Variants in MAPK10 observed in about 807,000 individuals in gnomAD.
MAPK10 encodes mitogen-activated protein kinase 10, also known as JNK3 alpha protein kinase.
Under a neutral mutation model 59.3 loss-of-function variants are expected in MAPK10, and 25 were observed. That is an observed-to-expected ratio of 0.42 (90% confidence interval 0.31 to 0.59). MAPK10 has a LOEUF of 0.59. Among genes scored for constraint, MAPK10 ranks in the 20% least tolerant of loss-of-function variants. The pLI is 0.15. For synonymous variants in MAPK10, 190 were observed against 200.5 expected (o/e 0.95, Z 0.44); for missense variants, 351 against 568.9 (o/e 0.62, Z 3.90).
At chr4:86,386,141 TG>T (rs943213029) in intron 1 of MAPK10, among the ~76,000 whole-genome samples, 30 of 152,056 alleles carry the variant, frequency 2.0e-4, no homozygotes, top group Non-Finnish European at 4.0e-4. Context: ...CGGAGGGAAA[TG>T]GGGGGGAATC....
At chr4:86,518,736 T>C (rs1325456004) in intron 1 of MAPK10, among the ~76,000 whole-genome samples, 1 of 152,156 alleles carries the variant, frequency 6.6e-6, no homozygotes, top group Non-Finnish European at 1.5e-5. Context: ...TTAGACTTTT[T>C]AACGTAGGCA....
In MAPK10 at chr4:86,103,256, T is replaced by C. The variant is rs28529458; in HGVS notation, c.367-12A>G. 882,427 of 1,387,518 alleles carry C rather than the reference T, an allele frequency of 0.64. 286,511 individuals carry two copies. Among genetic ancestry groups the C allele is most frequent in the East Asian group, 0.74 (32,219 of 43,660 alleles). 86.0% of individuals were successfully genotyped at this position (1,387,518 alleles called of 1,614,324 possible). A position where few individuals can be genotyped will look rare whatever the true frequency, so the allele number is the denominator to read the frequency against. Reference sequence around the variant, plus strand: ...AATAAACTAATAATCTGAAAGAGAGTGGAAGGGACAGAGGAAACGAGAGAA... The same window carrying C: ...AATAAACTAATAATCTGAAAGAGAGCGGAAGGGACAGAGGAAACGAGAGAA... On this transcript the variant is annotated splice_polypyrimidine_tract_variant and intron_variant, in intron 5 of 13. Coordinates refer to ENST00000641462, the MANE Select transcript of MAPK10 (RefSeq NM_138982.4).
chr4:86,277,996 T>C (rs2094646094), intron 2 of MAPK10, among the ~76,000 whole-genome samples: 1 of 152,116 alleles, frequency 6.6e-6, no homozygotes, highest in African/African-American at 2.4e-5. Flanking sequence ...ATCATGATGT[T>C]TTTAAATATG....
At chr4:86,246,491 A>G (rs946504835) in intron 2 of MAPK10, among the ~76,000 whole-genome samples, 1 of 152,180 alleles carries the variant, frequency 6.6e-6, no homozygotes, top group Admixed American at 6.5e-5. Context: ...AACTTATATA[A>G]TGAACATTTT....
intron 2 of MAPK10, among the ~76,000 whole-genome samples, chr4:86,295,668 A>T (rs1354484292): frequency 6.6e-6 from 1 of 150,472 alleles, no homozygotes; most frequent in Non-Finnish European, 1.5e-5. Flanking sequence ...GTTCACAAAA[A>T]TATGTTATAG....
At chr4:86,472,144 G>C (rs1292032724) in intron 1 of MAPK10, among the ~76,000 whole-genome samples, 1 of 152,050 alleles carries the variant, frequency 6.6e-6, no homozygotes, top group Admixed American at 6.5e-5. Context: ...AGAGTTTTCT[G>C]TTTGAAAAAT....
At chr4:86,091,521 G>A (rs2053147606) in intron 9 of MAPK10, 1 of 144,564 alleles carries the variant, frequency 6.9e-6, no homozygotes, top group Non-Finnish European at 1.5e-5. Context: ...TTATCTTTCA[G>A]GCTAAAATCC....
chr4:86,129,945 A>G (rs2060711862), intron 4 of MAPK10, among the ~76,000 whole-genome samples: 2 of 152,144 alleles, frequency 1.3e-5, no homozygotes, highest in Admixed American at 1.3e-4. Flanking sequence ...TCTCACCAAT[A>G]TTCTTTCTGG....
At chr4:86,330,147 A>G (rs570968851) in intron 2 of MAPK10, among the ~76,000 whole-genome samples, 1 of 152,320 alleles carries the variant, frequency 6.6e-6, no homozygotes, top group East Asian at 1.9e-4. Flanking sequence ...GTCCGTTCAG[A>G]ATAATCAATG....
At chr4:86,521,687 G>A (rs139173746) in intron 1 of MAPK10, among the ~76,000 whole-genome samples, 2 of 152,186 alleles carry the variant, frequency 1.3e-5, no homozygotes, top group Non-Finnish European at 2.9e-5. Flanking sequence ...GGCAGCTGGT[G>A]GGCAGGGCTG....
At position 86,404,520 on chromosome 4, in the gene MAPK10, T is replaced by G. The variant is rs138483598; in HGVS notation, c.-122+48510A>C. ...CTTTTAGATCATCCATTAAGAGTGA[T>G]GCTTTCTTATTTTTATGTACTGTGG... is the stretch of plus-strand genomic sequence containing the variant. On this transcript the variant is annotated intron_variant, in intron 1 of 13. Transcript: ENST00000361569. Among the ~76,000 whole-genome samples the G allele has an allele frequency of 4.6e-5, 7 of 152,358 alleles. No individual in the cohort carries two copies. The East Asian group carries it at 1.3e-3, about 29-fold the overall frequency.
chr4:86,354,509 A>G, intron 2 of MAPK10, 21 bp downstream of exon 2: 2 of 1,089,178 alleles, frequency 1.8e-6, no homozygotes, highest in Non-Finnish European at 2.3e-6. Flanking sequence ...GCTAAGGAAT[A>G]TTTTTAAATT....
chr4:86,488,626 G>C (rs1754218442), intron 1 of MAPK10, among the ~76,000 whole-genome samples: 1 of 152,038 alleles, frequency 6.6e-6, no homozygotes, highest in African/African-American at 2.4e-5. Context: ...TGCTAACTGT[G>C]GTTTCTGAAT....
At chr4:86,261,126 G>A (rs1226652970) in intron 2 of MAPK10, among the ~76,000 whole-genome samples, 5 of 152,062 alleles carry the variant, frequency 3.3e-5, no homozygotes, top group South Asian at 2.1e-4. Flanking sequence ...ATGTTTTAGC[G>A]CTTTGCAAAC....
At chr4:86,370,474 C>T (rs1738587606) in intron 1 of MAPK10, among the ~76,000 whole-genome samples, 1 of 152,010 alleles carries the variant, frequency 6.6e-6, no homozygotes, top group Non-Finnish European at 1.5e-5. Context: ...CAGCAAATCA[C>T]TGAGTAGCAT....
At chr4:86,267,548 A>G (rs996786622) in intron 2 of MAPK10, among the ~76,000 whole-genome samples, 1 of 152,140 alleles carries the variant, frequency 6.6e-6, no homozygotes, top group South Asian at 2.1e-4. Flanking sequence ...GGTCTATAAC[A>G]TCTTAAATGA....
intron 4 of MAPK10, among the ~76,000 whole-genome samples, chr4:86,142,504 A>G (rs559650190): frequency 1.4e-4 from 21 of 152,278 alleles, no homozygotes; most frequent in African/African-American, 4.3e-4. Context: ...AGGTCTTGGG[A>G]AAACAGGGTG....
intron 2 of MAPK10, among the ~76,000 whole-genome samples, chr4:86,343,063 C>T (rs749360206): frequency 1.9e-4 from 29 of 152,144 alleles, no homozygotes; most frequent in Non-Finnish European, 2.6e-4. Flanking sequence ...GCATAAGCCA[C>T]GCAAGCCTAA....
chr4:86,431,594 G>A (rs1748051201), intron 1 of MAPK10, among the ~76,000 whole-genome samples: 1 of 152,160 alleles, frequency 6.6e-6, no homozygotes, highest in African/African-American at 2.4e-5. Context: ...ATTAGAAAGA[G>A]GAGCTTTACT....
Sources: gnomAD v4.1 joint callset for allele counts (sites outside exome capture counted in the v4.1 genomes callset) on GRCh38, gnomAD v4.1.1 for gene constraint, MANE v1.5 for transcripts, NCBI Gene and HGNC (gene_info 2026-07-23, HGNC 2026-07-21) for gene names.